The following NAV2 variants were observed in gnomAD, a reference collection of about 807,000 sequenced individuals.
NAV2 encodes neuron navigator 2.
In NAV2, 54 loss-of-function variants were observed where a neutral mutation model predicts 223.2. The observed-to-expected ratio is 0.24, with a 90% confidence interval of 0.19 to 0.30. NAV2 has a LOEUF of 0.30. Among genes scored for constraint, NAV2 ranks in the 10% least tolerant of loss-of-function variants. The pLI is 1.00. For missense variants in NAV2, 2,806 were observed against 3,147.5 expected (o/e 0.89, Z 2.60); for synonymous variants, 1,279 against 1,239.3 (o/e 1.03, Z -0.67).
chr11:19,635,286 T>G (rs1481307005), intron 1 of NAV2, among the ~76,000 whole-genome samples: 1 of 152,184 alleles, frequency 6.6e-6, no homozygotes, highest in African/African-American at 2.4e-5. Context: ...TCATCAGAAT[T>G]TTTTTAACAC....
At chr11:19,983,906 T>G (rs2568118) in intron 10 of NAV2, among the ~76,000 whole-genome samples, 33,437 of 150,600 alleles carry the variant, frequency 0.22, 4,081 homozygotes, top group East Asian at 0.54. Flanking sequence ...CTGAGTTCGC[T>G]CTCTTTTTTC....
chr11:19,464,696 C>T (rs1376551202), intron 1 of NAV2, among the ~76,000 whole-genome samples: 1 of 152,196 alleles, frequency 6.6e-6, no homozygotes, highest in African/African-American at 2.4e-5. Context: ...TCTCATCTGT[C>T]AGAGGGATGT....
upstream of NAV2, among the ~76,000 whole-genome samples, chr11:19,349,567 GAATGGCTAGTGCGTTCATTACA>G (rs1445794551): frequency 2.0e-5 from 3 of 152,200 alleles, no homozygotes; most frequent in Non-Finnish European, 2.9e-5. Context: ...CTGAATTGTA[GAATGGCTAGTGCGTTCATTACA>G]AATGCTGGCA....
chr11:19,441,829 T>G (rs1351890177), intron 1 of NAV2, among the ~76,000 whole-genome samples: 1 of 152,180 alleles, frequency 6.6e-6, no homozygotes, highest in African/African-American at 2.4e-5. Context: ...CACCCTTCTG[T>G]CAGCCGCTGG....
At chr11:20,108,079 G>A (rs891850065) in intron 36 of NAV2, among the ~76,000 whole-genome samples, 1 of 152,218 alleles carries the variant, frequency 6.6e-6, no homozygotes, top group Non-Finnish European at 1.5e-5. Flanking sequence ...GCTCAGCATC[G>A]TGAGTGCCTG....
intron 1 of NAV2, among the ~76,000 whole-genome samples, chr11:19,721,421 C>T (rs1380590706): frequency 1.3e-5 from 2 of 152,150 alleles, no homozygotes; most frequent in African/African-American, 2.4e-5. Context: ...GTTAACTGGC[C>T]GGGCTGATTC....
chr11:19,355,590 C>T (rs1230735628), intron 1 of NAV2, among the ~76,000 whole-genome samples: 5 of 152,138 alleles, frequency 3.3e-5, no homozygotes, highest in African/African-American at 1.2e-4. Context: ...CCTCACAGGC[C>T]CACCACCTTC....
chr11:20,027,475 C>T, intron 11 of NAV2: 1 of 984,852 alleles, frequency 1.0e-6, no homozygotes, highest in Non-Finnish European at 1.2e-6. Flanking sequence ...CAGGTAAGTC[C>T]TGGATGCAGC....
chr11:19,643,785 T>C (rs993009873), intron 1 of NAV2, among the ~76,000 whole-genome samples: 1 of 152,156 alleles, frequency 6.6e-6, no homozygotes, highest in Non-Finnish European at 1.5e-5. Context: ...CCACCAACAG[T>C]GTAAAAGTGT....
At chr11:19,920,150 A>G (rs547359561) in intron 6 of NAV2, among the ~76,000 whole-genome samples, 6 of 152,312 alleles carry the variant, frequency 3.9e-5, no homozygotes, top group South Asian at 2.1e-4. Flanking sequence ...TAAGAAGAGC[A>G]TGGACTTTAT....
chr11:19,404,276 T>C (rs146900860), intron 1 of NAV2, among the ~76,000 whole-genome samples: 3 of 152,122 alleles, frequency 2.0e-5, no homozygotes, highest in African/African-American at 7.2e-5. Flanking sequence ...TTTCTTGGAG[T>C]TCACTGGAGT....
chr11:19,657,257 A>G (rs1251082447), intron 1 of NAV2, among the ~76,000 whole-genome samples: 2 of 152,162 alleles, frequency 1.3e-5, no homozygotes, highest in East Asian at 3.8e-4. Flanking sequence ...CAGGAAGGCT[A>G]CCATGTTTGC....
intron 1 of NAV2, among the ~76,000 whole-genome samples, chr11:19,394,673 C>T (rs970489054): frequency 3.3e-5 from 5 of 152,124 alleles, no homozygotes; most frequent in Non-Finnish European, 5.9e-5. Context: ...AAAACTTCCC[C>T]GAGCTGAAAT....
intron 3 of NAV2, among the ~76,000 whole-genome samples, chr11:19,855,807 G>A (rs1160118372): frequency 6.6e-6 from 1 of 152,202 alleles, no homozygotes; most frequent in Non-Finnish European, 1.5e-5. Flanking sequence ...TGGATAGGGT[G>A]TTTCTTCCTA....
chr11:20,043,856 C>A, intron 12 of NAV2, 125 bp from the exon 13 acceptor site: 3 of 821,318 alleles, frequency 3.7e-6, no homozygotes, highest in South Asian at 1.9e-5. Flanking sequence ...AAAGTCCAAA[C>A]ATCTTTAAAG....
intron 1 of NAV2, among the ~76,000 whole-genome samples, chr11:19,775,352 T>C (rs1383374938): frequency 6.6e-6 from 1 of 152,174 alleles, no homozygotes; most frequent in African/African-American, 2.4e-5. Flanking sequence ...GGGCCTCTTG[T>C]AGTCATTCAG....
chr11:19,401,682 T>G (rs1348214363), intron 1 of NAV2, among the ~76,000 whole-genome samples: 1 of 152,224 alleles, frequency 6.6e-6, no homozygotes, highest in Non-Finnish European at 1.5e-5. Flanking sequence ...GGGAGCACTA[T>G]GTATACATTT....
intron 10 of NAV2, among the ~76,000 whole-genome samples, chr11:19,958,090 G>A (rs922040019): frequency 1.4e-3 from 207 of 152,202 alleles, no homozygotes; most frequent in African/African-American, 4.7e-3. Flanking sequence ...GGAAGTCTCA[G>A]GCCCTTGTTG....
At chr11:19,596,027 T>A (rs1327031695) in intron 1 of NAV2, among the ~76,000 whole-genome samples, 2 of 152,274 alleles carry the variant, frequency 1.3e-5, no homozygotes, top group African/African-American at 2.4e-5. Context: ...CTGTTTTTTT[T>A]ATTAATCACG....
Sources: gnomAD v4.1 joint callset for allele counts (sites outside exome capture counted in the v4.1 genomes callset) on GRCh38, gnomAD v4.1.1 for gene constraint, MANE v1.5 for transcripts, NCBI Gene and HGNC (gene_info 2026-07-23, HGNC 2026-07-21) for gene names.